Variants in IPCEF1 observed in about 807,000 individuals in gnomAD.
The protein encoded by IPCEF1 is interaction protein for cytohesin exchange factors 1.
In IPCEF1, 31 loss-of-function variants were observed where a neutral mutation model predicts 50.9. The observed-to-expected ratio is 0.61, with a 90% CI of 0.46 to 0.82. The LOEUF is 0.82. Among genes scored for constraint, IPCEF1 ranks in the 40% least tolerant of loss-of-function variants. The pLI is 0.00. For missense variants in IPCEF1, 458 were observed against 514.0 expected, an observed-to-expected ratio of 0.89 and a Z score of 1.05; for synonymous variants, 181 against 192.0, an observed-to-expected ratio of 0.94 and a Z score of 0.47.
intron 1 of IPCEF1, among the ~76,000 whole-genome samples, chr6:154,353,677 T>C (rs949909202): frequency 1.3e-5 from 2 of 152,140 alleles, no homozygotes; most frequent in African/African-American, 4.8e-5. Context: ...GGGAAGAAAA[T>C]AGAGTACAAA....
rs1316600966 is a variant in IPCEF1 at position 154,247,450 on chromosome 6, T to C, written c.75A>G (p.Gln25=). The C allele has an allele frequency of 1.2e-6, 2 of 1,611,734 alleles. No individual in the cohort carries two copies. The highest frequency in any genetic ancestry group is 1.1e-5 in the South Asian group (1 of 90,948). ...PLRQKPRRKT[Q]GFLTMSRRRI... is the part of the protein sequence containing the mutation. ...AAGAAACAAAAGAGATCTAATTACC[T>C]TGAGTTTTCCTCCTGGGCTTCTGAC... Residue 25 remains glutamine (Q), a splice_region_variant and synonymous_variant, in exon 4 of 12, where the codon CAA becomes CAG. Coordinates refer to ENST00000367220, the MANE Select transcript of IPCEF1 (RefSeq NM_001130700.2).
intron 1 of IPCEF1, among the ~76,000 whole-genome samples, chr6:154,306,371 G>C (rs1388805607): frequency 6.6e-6 from 1 of 151,744 alleles, no homozygotes; most frequent in Non-Finnish European, 1.5e-5. Context: ...ATTTTAGTTT[G>C]AATTGTTTGC....
intron 10 of IPCEF1, among the ~76,000 whole-genome samples, chr6:154,197,144 G>A (rs767532660): frequency 3.3e-5 from 5 of 152,068 alleles, no homozygotes; most frequent in Non-Finnish European, 7.4e-5. Context: ...TTCTATCCCT[G>A]ATATAAAAAC....
chr6:154,281,653 G>A (rs1217463761), intron 2 of IPCEF1, among the ~76,000 whole-genome samples: 1 of 151,998 alleles, frequency 6.6e-6, no homozygotes, highest in African/African-American at 2.4e-5. Flanking sequence ...TTGAGGCCAG[G>A]GTACGAGATC....
intron 2 of IPCEF1, among the ~76,000 whole-genome samples, chr6:154,266,665 ATGTGGCC>A (rs1190368700): frequency 6.6e-6 from 1 of 151,406 alleles, no homozygotes; most frequent in African/African-American, 2.4e-5. Context: ...AGATGTGAAA[ATGTGGCC>A]CATCACTATT....
At chr6:154,280,133 C>T (rs1426281824) in intron 2 of IPCEF1, among the ~76,000 whole-genome samples, 9 of 152,214 alleles carry the variant, frequency 5.9e-5, no homozygotes, top group Non-Finnish European at 8.8e-5. Flanking sequence ...AAGTGTTTGG[C>T]AACACCTGCT....
intron 6 of IPCEF1, among the ~76,000 whole-genome samples, chr6:154,222,579 G>A (rs1044123314): frequency 3.3e-5 from 5 of 152,180 alleles, no homozygotes; most frequent in Non-Finnish European, 7.4e-5. Context: ...CAGCCAGCCC[G>A]CTCATGAGAT....
intron 7 of IPCEF1, among the ~76,000 whole-genome samples, chr6:154,215,631 T>TA: frequency 6.6e-6 from 1 of 151,718 alleles, no homozygotes; most frequent in Non-Finnish European, 1.5e-5. Flanking sequence ...AAATAAAATT[T>TA]AAAAAAATAA....
intron 1 of IPCEF1, among the ~76,000 whole-genome samples, chr6:154,331,407 G>GAAAGAAAGAAAGAAAGAA (rs1554225595): frequency 0.01 from 1,355 of 130,968 alleles, 15 homozygotes; most frequent in East Asian, 0.028. Flanking sequence ...AAGAAAGAAA[G>GAAAGAAAGAAAGAAAGAA]AGAGAGAAAA....
chr6:154,348,333 T>G (rs2499638), intron 1 of IPCEF1, among the ~76,000 whole-genome samples: 50,080 of 151,992 alleles, frequency 0.33, 9,155 homozygotes, highest in Middle Eastern at 0.45. Flanking sequence ...CAGAGTAAAA[T>G]CCAGCTCTAG....
intron 1 of IPCEF1, among the ~76,000 whole-genome samples, chr6:154,327,249 A>G (rs1476907602): frequency 6.6e-6 from 1 of 152,208 alleles, no homozygotes; most frequent in Non-Finnish European, 1.5e-5. Flanking sequence ...TCTGCACACC[A>G]AAAGAAACTA....
intron 2 of IPCEF1, among the ~76,000 whole-genome samples, chr6:154,287,841 A>G (rs999924250): frequency 1.1e-4 from 16 of 152,236 alleles, no homozygotes; most frequent in African/African-American, 3.4e-4. Flanking sequence ...CCTTAGGGTA[A>G]CCAGTTCTGC....
At chr6:154,326,233 A>G (rs1408649167) in intron 1 of IPCEF1, among the ~76,000 whole-genome samples, 3 of 151,870 alleles carry the variant, frequency 2.0e-5, no homozygotes, top group Non-Finnish European at 2.9e-5. Flanking sequence ...AAAAAAAAAA[A>G]AAAGAAAAGA....
At chr6:154,278,366 G>T (rs149325591) in intron 2 of IPCEF1, among the ~76,000 whole-genome samples, 35 of 152,258 alleles carry the variant, frequency 2.3e-4, no homozygotes, top group Admixed American at 5.9e-4. Context: ...GGACAGGTCC[G>T]GGAGAATGAG....
At position 154,157,589 on chromosome 6, in the gene IPCEF1, G is replaced by C. The variant is rs1798767088; in HGVS notation, c.*2239C>G. On this transcript the variant is annotated 3_prime_UTR_variant, in exon 12 of 12. Transcript: ENST00000367220. ...AAAGGCTGGGGAAATATGTCTTCAC[G>C]AAAAGCCAAAGGAAAGCATTCAAAG... is the stretch of plus-strand genomic sequence containing the variant. 1 of 152,154 alleles carries C rather than the reference G, an allele frequency of 6.6e-6. No individual in the cohort carries two copies. The highest frequency in any genetic ancestry group is 1.9e-4 in the East Asian group (1 of 5,192). 9.4% of individuals were successfully genotyped at this position (152,154 alleles called of 1,614,324 possible). A position where few individuals can be genotyped will look rare whatever the true frequency, so the allele number is the denominator to read the frequency against.
chr6:154,260,695 T>A (rs1045215592), intron 3 of IPCEF1, among the ~76,000 whole-genome samples: 1 of 152,066 alleles, frequency 6.6e-6, no homozygotes, highest in Admixed American at 6.6e-5. Flanking sequence ...ATGGTCTCAA[T>A]CTCCTGACCT....
chr6:154,321,119 C>T (rs1017780016), intron 1 of IPCEF1, among the ~76,000 whole-genome samples: 3 of 151,484 alleles, frequency 2.0e-5, no homozygotes, highest in Admixed American at 1.3e-4. Flanking sequence ...TTTGTAGCGA[C>T]GGGGTTTCTC....
intron 5 of IPCEF1, among the ~76,000 whole-genome samples, chr6:154,223,913 T>A (rs1779056616): frequency 6.6e-6 from 1 of 152,228 alleles, no homozygotes; most frequent in African/African-American, 2.4e-5. Flanking sequence ...ATAAGAAAAT[T>A]ATATTTATGA....
At chr6:154,248,255 ACAAT>A (rs201224304) in intron 3 of IPCEF1, among the ~76,000 whole-genome samples, 1,968 of 152,232 alleles carry the variant, frequency 0.013, 17 homozygotes, top group Middle Eastern at 0.037. Context: ...AAACAAACAT[ACAAT>A]CAGACTATCA....
Sources: gnomAD v4.1 joint callset for allele counts (sites outside exome capture counted in the v4.1 genomes callset) on GRCh38, gnomAD v4.1.1 for gene constraint, MANE v1.5 for transcripts, NCBI Gene and HGNC (gene_info 2026-07-23, HGNC 2026-07-21) for gene names.